Variants in TSPAN16 observed in about 807,000 individuals in gnomAD.
The protein encoded by TSPAN16 is tetraspanin-16.
TSPAN16 carries 23 observed loss-of-function variants against 25.2 expected under a neutral mutation model. The observed-to-expected ratio is 0.91, with a 90% confidence interval of 0.66 to 1.29. The LOEUF is 1.29. Ranked by LOEUF, TSPAN16 falls within the 50% of genes most tolerant of loss-of-function variation. The probability of loss-of-function intolerance (pLI) is 0.00; values close to 1 mark genes in which losing one functional copy is unlikely to be tolerated. For missense variants in TSPAN16, 272 were observed against 299.9 expected (o/e 0.91, Z 0.69); for synonymous variants, 123 against 124.4 (o/e 0.99, Z 0.08).
chr19:11,298,542 C>G (rs894908166), intron 2 of TSPAN16, among the ~76,000 whole-genome samples: 5 of 151,942 alleles, frequency 3.3e-5, no homozygotes, highest in African/African-American at 1.2e-4. Flanking sequence ...TCAAGCGATT[C>G]TCCTGCCTCA....
intron 4 of TSPAN16, among the ~76,000 whole-genome samples, chr19:11,302,682 C>CAT (rs1568288419): frequency 6.2e-5 from 8 of 128,522 alleles, no homozygotes; most frequent in Non-Finnish European, 9.2e-5. Context: ...TATATATACA[C>CAT]ACACACACAC....
At chr19:11,309,178 C>T (rs553315544) in intron 5 of TSPAN16, among the ~76,000 whole-genome samples, 11 of 151,350 alleles carry the variant, frequency 7.3e-5, no homozygotes, top group African/African-American at 1.7e-4. Context: ...CGCTGCACTC[C>T]GGCCTGGGCC....
intron 4 of TSPAN16, among the ~76,000 whole-genome samples, chr19:11,305,527 C>T (rs1471172340): frequency 1.3e-5 from 2 of 149,416 alleles, no homozygotes; most frequent in African/African-American, 5.0e-5. Flanking sequence ...GAGACTGTGT[C>T]TCAAAAAAAA....
chr19:11,298,728 C>T lies in TSPAN16; in HGVS notation c.268-144C>T, dbSNP rs566329185. ...ATTACAAGTGTTGAGCCACTGCTCC[C>T]GGTCGAATTGTTTTAAACTGGAGAG... On this transcript the variant is annotated intron_variant, in intron 2 of 6. Transcript: ENST00000590327. 30 of 754,488 alleles carry T rather than the reference C, an allele frequency of 4.0e-5. 1 individual carries two copies. In the South Asian group the frequency reaches 4.0e-4, roughly 10 times the overall value. The allele number at this position is 754,488 out of a possible 1,614,324, so 46.7% of individuals were successfully genotyped here.
At chr19:11,303,021 C>T (rs1002226418) in intron 4 of TSPAN16, among the ~76,000 whole-genome samples, 22 of 150,622 alleles carry the variant, frequency 1.5e-4, no homozygotes, top group Non-Finnish European at 2.6e-4. Context: ...AAGTGAGGAG[C>T]CCCTCTGCCC....
Position 11,315,813 on chromosome 19 carries a change from T to C in TSPAN16, c.710T>C (p.Leu237Ser). Residue 237 changes from leucine (L) to serine (S), a missense_variant, in exon 7 of 7, where the codon TTG (leucine) becomes TCG (serine). Leu to Ser is a moderately radical substitution (Grantham distance 145). Coordinates refer to ENST00000590327, the MANE Select transcript of TSPAN16 (RefSeq NM_001282509.2). ...CAGTTGCCAGGAATTCTTGCCACTT[T>C]GCTGCTGTTTATCAAGCTGGGCTGA... is the stretch of plus-strand genomic sequence containing the variant. ...VIQLPGILAT[L>S]LLFIKLG 8.1e-7 allele frequency: 1 copy of C among 1,232,000 alleles called. No homozygotes were observed. The highest frequency in any genetic ancestry group is 1.0e-6 in the Non-Finnish European group (1 of 987,872). The allele number at this position is 1,232,000 out of a possible 1,614,324, so 76.3% of individuals were successfully genotyped here. A position where few individuals can be genotyped will look rare whatever the true frequency, so the allele number is the denominator to read the frequency against.
At chr19:11,318,477 T>C (rs2080760367), downstream of TSPAN16, among the ~76,000 whole-genome samples, 1 of 150,698 alleles carries the variant, frequency 6.6e-6, no homozygotes, top group Admixed American at 6.6e-5. Context: ...GATCTTCTAA[T>C]TTAATTGAAC....
chr19:11,318,132 TTCTCC>T (rs1411851441), downstream of TSPAN16, among the ~76,000 whole-genome samples: 4 of 151,792 alleles, frequency 2.6e-5, no homozygotes, highest in East Asian at 7.8e-4. Context: ...GTTCACACCA[TTCTCC>T]TGCCTCAGCC....
intron 3 of TSPAN16, chr19:11,300,901 C>T (rs1433547677): frequency 1.7e-5 from 4 of 234,092 alleles, no homozygotes; most frequent in East Asian, 7.9e-5. Flanking sequence ...ACAGCCACAT[C>T]GTGGGTGCAG....
chr19:11,301,299 C>A lies in TSPAN16; in HGVS notation c.441C>A (p.Val147=). Residue 147 remains valine (V), a synonymous_variant, in exon 4 of 7, where the codon GTC becomes GTA. Coordinates refer to ENST00000590327, the MANE Select transcript of TSPAN16 (RefSeq NM_001282509.2). ...ACTATTCTACACAGTGGAACTTGGT[C>A]ATGGAGAAGGTGAGGCTTACTTAAA... ...PDDYSTQWNL[V]MEKLKCCGVN... 1 of 1,612,362 alleles carries A rather than the reference C, an allele frequency of 6.2e-7. No individual in the cohort carries two copies. The highest frequency in any genetic ancestry group is 1.1e-5 in the South Asian group (1 of 90,994).
At chr19:11,306,206 C>CT (rs2080624796) in intron 4 of TSPAN16, among the ~76,000 whole-genome samples, 1 of 151,752 alleles carries the variant, frequency 6.6e-6, no homozygotes, top group Non-Finnish European at 1.5e-5. Context: ...GCTTTTTTTT[C>CT]TTTTTAGAGA....
intron 5 of TSPAN16, chr19:11,307,772 AG>A (rs2080645466): frequency 1.3e-5 from 2 of 152,262 alleles, no homozygotes; most frequent in South Asian, 4.1e-4. Flanking sequence ...ACCCCTGCAA[AG>A]GGGGTCAGGG....
At chr19:11,315,989 CCTTA>C, downstream of TSPAN16, 3 of 1,221,692 alleles carry the variant, frequency 2.5e-6, no homozygotes, top group Non-Finnish European at 3.1e-6. Context: ...ACTTCTTTCT[CCTTA>C]CTTTCATTTT....
intron 1 of TSPAN16, among the ~76,000 whole-genome samples, chr19:11,296,846 TG>T (rs2080483819): frequency 6.6e-6 from 1 of 151,872 alleles, no homozygotes; most frequent in Non-Finnish European, 1.5e-5. Context: ...AGACCAGCCT[TG>T]GTCAATATGG....
intron 4 of TSPAN16, among the ~76,000 whole-genome samples, chr19:11,302,144 G>A (rs2080558325): frequency 6.6e-6 from 1 of 152,072 alleles, no homozygotes; most frequent in Non-Finnish European, 1.5e-5. Context: ...ATTTTGAAGT[G>A]TGCAGTTCAG....
Position 11,298,179 on chromosome 19 carries a change from G to C in TSPAN16, c.107G>C (p.Gly36Ala), listed in dbSNP as rs548786927. Residue 36 changes from glycine to alanine, a missense_variant, in exon 2 of 7, where the codon GGT becomes GCT. Physicochemically the swap from Gly to Ala is moderately conservative, Grantham distance 60. Coordinates refer to ENST00000590327, the MANE Select transcript of TSPAN16 (RefSeq NM_001282509.2). ...GIILVGLGIG[G>A]KCGGASLTNV... is the part of the protein sequence containing the mutation. The stretch of plus-strand genomic sequence containing the variant: ...ATCCTAGTTGGCCTGGGCATTGGTG[G>C]TAAATGTGGAGGGGCCTCTCTGACG... 15 of 1,614,188 alleles carry C rather than the reference G, an allele frequency of 9.3e-6. No individual in the cohort carries two copies. In the South Asian group the frequency reaches 1.5e-4, roughly 17 times the overall value.
downstream of TSPAN16, among the ~76,000 whole-genome samples, chr19:11,318,249 T>A (rs1235250666): frequency 1.3e-5 from 2 of 152,202 alleles, no homozygotes; most frequent in African/African-American, 4.8e-5. Context: ...ATGGTCTCGA[T>A]CTTCTGACCT....
intron 6 of TSPAN16, 190 bp downstream of exon 6, chr19:11,312,412 A>T (rs2080703074): frequency 2.5e-6 from 1 of 405,498 alleles, no homozygotes; most frequent in African/African-American, 2.0e-5. Context: ...GAGTGAAAAT[A>T]TGAAAATAAA....
chr19:11,301,793 C>G (rs1471564634), intron 4 of TSPAN16, among the ~76,000 whole-genome samples: 1 of 151,838 alleles, frequency 6.6e-6, no homozygotes, highest in East Asian at 1.9e-4. Flanking sequence ...AGAGCAAGAC[C>G]CTGTATCTTG....
Sources: gnomAD v4.1 joint callset for allele counts (sites outside exome capture counted in the v4.1 genomes callset) on GRCh38, gnomAD v4.1.1 for gene constraint, MANE v1.5 for transcripts, NCBI Gene and HGNC (gene_info 2026-07-23, HGNC 2026-07-21) for gene names.